SLFN12L: variants seen among roughly 807,000 people sequenced by gnomAD.
SLFN12L encodes schlafen family member 12 like.
A neutral mutation model predicts 34.8 loss-of-function variants in SLFN12L; 34 were observed. The observed-to-expected ratio is 0.98, with a 90% CI of 0.74 to 1.30. The LOEUF (loss-of-function observed/expected upper bound fraction) is 1.30. Among genes scored for constraint, SLFN12L ranks in the 50% most tolerant of loss-of-function variants. SLFN12L has a pLI of 0.00. For synonymous variants in SLFN12L, 259 were observed against 247.5 expected, an observed-to-expected ratio of 1.05 and a Z score of -0.44; for missense variants, 703 against 696.2, an observed-to-expected ratio of 1.01 and a Z score of -0.11.
intron 1 of SLFN12L, among the ~76,000 whole-genome samples, chr17:35,529,897 GAAATAATAA>G (rs1351928198): frequency 6.6e-6 from 1 of 151,024 alleles, no homozygotes; most frequent in African/African-American, 2.4e-5. Context: ...TAAAACTATT[GAAATAATAA>G]AAATAATAAT....
chr17:35,502,121 A>AT, intron 2 of SLFN12L, among the ~76,000 whole-genome samples: 1 of 152,036 alleles, frequency 6.6e-6, no homozygotes, highest in East Asian at 1.9e-4. Context: ...AGAAAAAAAA[A>AT]GTGTACACTA....
intron 1 of SLFN12L, among the ~76,000 whole-genome samples, chr17:35,530,403 A>G (rs193093953): frequency 0.19 from 2,331 of 12,584 alleles, 293 homozygotes; most frequent in East Asian, 0.48. Flanking sequence ...GGAAGGAAGG[A>G]AGGAAGGAAG....
In SLFN12L at chr17:35,465,132, G is replaced by A. The variant is rs1193919129; in HGVS notation, c.*9791C>T. Among the ~76,000 whole-genome samples, 4 of 152,090 alleles carry A rather than the reference G, an allele frequency of 2.6e-5. No individual in the cohort carries two copies. Among genetic ancestry groups the A allele is most frequent in the Non-Finnish European group, 4.4e-5 (3 of 68,020 alleles). ...TGGCCTCAAGTGATCCGCCTGTCTC[G>A]GCCTCCCAAAGTGCTGGGATTACAG... On this transcript the variant is annotated 3_prime_UTR_variant, in exon 5 of 5. Transcript: ENST00000628453.
intron 1 of SLFN12L, among the ~76,000 whole-genome samples, chr17:35,523,550 A>T (rs1026028971): frequency 5.9e-5 from 9 of 152,326 alleles, no homozygotes; most frequent in South Asian, 2.1e-4. Flanking sequence ...GATCAATCTG[A>T]GGCTCCCCCC....
At chr17:35,498,267 AAACGCT>A in intron 2 of SLFN12L, 2 of 785,570 alleles carry the variant, frequency 2.5e-6, no homozygotes, top group Non-Finnish European at 4.7e-6. Flanking sequence ...CTGCTACCTC[AAACGCT>A]GGCAGTACGT....
intron 2 of SLFN12L, among the ~76,000 whole-genome samples, chr17:35,486,182 C>T (rs1197528798): frequency 1.3e-5 from 2 of 152,142 alleles, no homozygotes; most frequent in African/African-American, 4.8e-5. Context: ...TTTCTTTCAG[C>T]AGTGTTTCAT....
At chr17:35,480,442 T>G (rs35057074) in intron 2 of SLFN12L, 50,537 of 372,556 alleles carry the variant, frequency 0.14, 3,765 homozygotes, top group South Asian at 0.25. Context: ...CTTGTCTTTA[T>G]GTGTTCGTTG....
chr17:35,533,860 C>G (rs1190631599), intron 1 of SLFN12L, among the ~76,000 whole-genome samples: 1 of 152,112 alleles, frequency 6.6e-6, no homozygotes, highest in Non-Finnish European at 1.5e-5. Flanking sequence ...GCGGGCAGAT[C>G]ACCTGAGGTC....
rs748123087 is a variant in SLFN12L, at chr17:35,479,465, T to A, written c.817A>T (p.Asn273Tyr). 1.2e-6 allele frequency: 2 copies of A among 1,614,080 alleles called. No homozygotes were observed. Among genetic ancestry groups the A allele is most frequent in the African/African-American group, 2.7e-5 (2 of 74,944 alleles). ...ACGAATAAATATCCTCCATCAGTAT[T>A]TGCAAATGCAGAAACATATTGAGGG... ...ILPQYVSAFANTDGGYLFVGL... is the reference protein window; with the variant it reads ...ILPQYVSAFAYTDGGYLFVGL... The change falls in exon 3 of 5, where the codon AAT becomes TAT. Residue 273 changes from asparagine to tyrosine, a missense_variant. Physicochemically the swap from Asn to Tyr is moderately radical, Grantham distance 143. Transcript: ENST00000628453.
In SLFN12L at chr17:35,471,452, A is replaced by G. The variant is rs1235537849; in HGVS notation, c.*3471T>C. 6.6e-6 allele frequency among the ~76,000 whole-genome samples: 1 copy of G among 152,154 alleles called. No individual in the cohort carries two copies. The highest frequency in any genetic ancestry group is 1.5e-5 in the Non-Finnish European group (1 of 68,022). On this transcript the variant is annotated 3_prime_UTR_variant, in exon 5 of 5. Transcript: ENST00000628453. ...GCGCCACGCCTGCATGTATCTTTAT[A>G]GTAGAATGATTTACATTCCTTTGGG...
At chr17:35,507,736 T>A (rs1323030377) in intron 2 of SLFN12L, among the ~76,000 whole-genome samples, 2 of 152,248 alleles carry the variant, frequency 1.3e-5, no homozygotes, top group Non-Finnish European at 1.5e-5. Context: ...CCTTGTTTGC[T>A]ACCCATACTT....
intron 2 of SLFN12L, among the ~76,000 whole-genome samples, chr17:35,512,376 TTTTTTTTG>T (rs981264608): frequency 3.6e-5 from 5 of 138,490 alleles, no homozygotes; most frequent in African/African-American, 1.1e-4. Context: ...TTTTTTTTTT[TTTTTTTTG>T]AAACGGAGTC....
rs910919162 is a variant in SLFN12L at position 35,479,249 on chromosome 17, A to G, written c.1033T>C (p.Tyr345His). The G allele has an allele frequency of 5.0e-6, 8 of 1,593,234 alleles. No homozygotes were observed. The highest frequency in any genetic ancestry group is 3.5e-5 in the Admixed American group (2 of 57,256). Residue 345 changes from tyrosine (Y) to histidine (H), a missense_variant, in exon 3 of 5, where the codon TAT (tyrosine) becomes CAT (histidine). Tyr to His is a moderately conservative substitution (Grantham distance 83). Transcript: ENST00000628453. ...YDKGRLCGYV[Y>H]ALRVERFCCA... is the part of the protein sequence containing the mutation. ...CAGAAGCGTTCCACTCTGAGTGCAT[A>G]CACATATCCACAAAGCCTTCCTTTA...
chr17:35,471,486 C>T lies in SLFN12L; in HGVS notation c.*3437G>A, dbSNP rs112856507. 6.6e-6 allele frequency among the ~76,000 whole-genome samples: 1 copy of T among 152,250 alleles called. No individual in the cohort carries two copies. The highest frequency in any genetic ancestry group is 2.4e-5 in the African/African-American group (1 of 41,562). On this transcript the variant is annotated 3_prime_UTR_variant, in exon 5 of 5. Coordinates refer to ENST00000628453, the MANE Select transcript of SLFN12L (RefSeq NM_001363830.2). ...ATTTACATTCCTTTGGGTATATACC[C>T]AGTAATGGGATTCCTGGGTCAAATG...
chr17:35,530,441 GA>G (rs1489409235), intron 1 of SLFN12L, among the ~76,000 whole-genome samples: 1 of 16,834 alleles, frequency 5.9e-5, no homozygotes. Flanking sequence ...GAAGGGAAGG[GA>G]AGAAAGAAAG....
chr17:35,489,117 A>G (rs969702409), intron 2 of SLFN12L, among the ~76,000 whole-genome samples: 16 of 152,074 alleles, frequency 1.1e-4, no homozygotes, highest in African/African-American at 3.9e-4. Flanking sequence ...TCTTCATTTC[A>G]TCTGATTCTC....
intron 2 of SLFN12L, among the ~76,000 whole-genome samples, chr17:35,512,248 G>A (rs978207204): frequency 5.1e-5 from 7 of 138,062 alleles, no homozygotes; most frequent in Non-Finnish European, 1.1e-4. Flanking sequence ...TCCGCCTCCC[G>A]GGTTCACACC....
At chr17:35,507,336 C>T (rs1915495717) in intron 2 of SLFN12L, among the ~76,000 whole-genome samples, 1 of 152,148 alleles carries the variant, frequency 6.6e-6, no homozygotes. Flanking sequence ...TCCAGACTCC[C>T]ATTTACATAC....
intron 1 of SLFN12L, among the ~76,000 whole-genome samples, chr17:35,536,819 A>T (rs900675306): frequency 2.0e-5 from 3 of 150,280 alleles, no homozygotes; most frequent in Non-Finnish European, 4.4e-5. Flanking sequence ...AAAAAAAAAA[A>T]AATAAGAAAA....
Sources: allele counts gnomAD v4.1 joint callset (sites outside exome capture counted in the v4.1 genomes callset), GRCh38; gene constraint gnomAD v4.1.1; transcripts MANE v1.5; gene names NCBI Gene and HGNC (gene_info 2026-07-23, HGNC 2026-07-21).